The following WASHC2A variants were observed in gnomAD, a reference collection of about 807,000 sequenced individuals.
WASHC2A encodes the protein WASH complex subunit 2A, also known as WASH complex subunit FAM21A.
WASHC2A carries 82 observed loss-of-function variants against 140.3 expected under a neutral mutation model. The observed-to-expected ratio is 0.58, with a 90% CI of 0.49 to 0.70. WASHC2A has a LOEUF of 0.70. Ranked by LOEUF, WASHC2A falls within the 30% of genes least tolerant of loss-of-function variation. WASHC2A has a pLI of 0.00. For missense variants in WASHC2A, 985 were observed against 1,521.8 expected, an observed-to-expected ratio of 0.65 and a Z score of 5.87; for synonymous variants, 340 against 560.8, an observed-to-expected ratio of 0.61 and a Z score of 5.56.
At position 50,104,132 on chromosome 10, in the gene WASHC2A, G is replaced by A; in HGVS notation, c.1726G>A (p.Glu576Lys). ...LPTLVSLFDD[E>K]DEEDNLFGGT... Reference sequence around the variant, plus strand: ...CACGTTGGTTTCCCTGTTTGATGATGAAGATGAAGAGGTAAACATTGTTAT... The same window carrying A: ...CACGTTGGTTTCCCTGTTTGATGATAAAGATGAAGAGGTAAACATTGTTAT... The change falls in exon 18 of 31, where the codon GAA (glutamate) becomes AAA (lysine). Residue 576 changes from glutamate (E) to lysine (K), a missense_variant. Physicochemically the swap from Glu to Lys is moderately conservative, Grantham distance 56 (BLOSUM62 1). Coordinates refer to ENST00000282633, the MANE Select transcript of WASHC2A (RefSeq NM_001005751.3). The A allele has an allele frequency of 6.8e-7, 1 of 1,468,404 alleles. No individual in the cohort carries two copies. Among genetic ancestry groups the A allele is most frequent in the Non-Finnish European group, 9.4e-7 (1 of 1,060,726 alleles). 91.0% of individuals were successfully genotyped at this position (1,468,404 alleles called of 1,614,324 possible).
At position 50,090,851 on chromosome 10, in the gene WASHC2A, G is replaced by A. The variant is rs1839865975; in HGVS notation, c.808G>A (p.Glu270Lys). The A allele has an allele frequency of 2.5e-6, 4 of 1,611,550 alleles. No homozygotes were observed. Among genetic ancestry groups the A allele is most frequent in the South Asian group, 1.1e-5 (1 of 90,972 alleles). ...DLFADSEKEE[E>K]DIEDIEENTR... ...TTTCGCTGACTCTGAGAAGGAGGAG[G>A]AAGATATTGAGGACATTGAAGAAAA... Residue 270 changes from glutamate to lysine, a missense_variant, in exon 9 of 31, where the codon GAA (glutamate) becomes AAA (lysine). Coordinates refer to ENST00000282633, the MANE Select transcript of WASHC2A (RefSeq NM_001005751.3).
At chr10:50,094,777 C>T (rs1165830047) in intron 13 of WASHC2A, among the ~76,000 whole-genome samples, 3 of 150,822 alleles carry the variant, frequency 2.0e-5, no homozygotes, top group African/African-American at 7.3e-5. Flanking sequence ...TCTTTTTCAC[C>T]CGTTCATTCT....
intron 8 of WASHC2A, among the ~76,000 whole-genome samples, chr10:50,090,522 ATATATATATTTATATT>A (rs1839824125): frequency 3.7e-5 from 5 of 135,886 alleles, no homozygotes; most frequent in South Asian, 2.3e-4. Context: ...AAAAATATAT[ATATATATATTTATATT>A]TATATATATA....
intron 30 of WASHC2A, among the ~76,000 whole-genome samples, chr10:50,131,766 G>A (rs1287383405): frequency 5.3e-5 from 8 of 152,270 alleles, no homozygotes; most frequent in Admixed American, 4.6e-4. Flanking sequence ...TCACACACTG[G>A]CTCTGTGCCT....
intron 16 of WASHC2A, among the ~76,000 whole-genome samples, chr10:50,098,791 A>G (rs1260208657): frequency 1.4e-5 from 2 of 145,944 alleles, no homozygotes; most frequent in Non-Finnish European, 3.0e-5. Flanking sequence ...TTGCTTGATT[A>G]TTTTCCTATG....
In WASHC2A at chr10:50,126,189, C is replaced by T. The variant is rs1215623550; in HGVS notation, c.2811+10C>T. 0.13 allele frequency: 213,951 copies of T among 1,612,636 alleles called. 15,394 individuals carry two copies. The highest frequency in any genetic ancestry group is 0.17 in the Middle Eastern group (991 of 5,766). ...GCCGGAAACACCTCAGGTTAGAAAT[C>T]CTCTTTAAGGATTTTCAGCTCTTGT... is the stretch of plus-strand genomic sequence containing the variant. On this transcript the variant is annotated intron_variant, in intron 26 of 30. Transcript: ENST00000282633.
chr10:50,077,436 G>A (rs1554878392), intron 3 of WASHC2A, among the ~76,000 whole-genome samples: 2 of 152,164 alleles, frequency 1.3e-5, no homozygotes, highest in African/African-American at 4.8e-5. Flanking sequence ...GTTGGGGATA[G>A]GGAGGGAACT....
intron 3 of WASHC2A, among the ~76,000 whole-genome samples, chr10:50,072,704 G>C (rs1261981894): frequency 6.6e-6 from 1 of 151,992 alleles, no homozygotes; most frequent in Admixed American, 6.6e-5. Flanking sequence ...TAGCCAGGAT[G>C]GTCTCGATCT....
intron 4 of WASHC2A, among the ~76,000 whole-genome samples, chr10:50,080,264 A>G (rs1838777349): frequency 6.6e-6 from 1 of 152,146 alleles, no homozygotes; most frequent in Non-Finnish European, 1.5e-5. Context: ...TTGATGTAGA[A>G]CAGATTTATA....
At position 50,126,064 on chromosome 10, in the gene WASHC2A, A is replaced by G; in HGVS notation, c.2696A>G (p.Glu899Gly). The G allele has an allele frequency of 1.2e-6, 2 of 1,613,618 alleles. No individual in the cohort carries two copies. Among genetic ancestry groups the G allele is most frequent in the Non-Finnish European group, 1.7e-6 (2 of 1,179,816 alleles). Residue 899 changes from glutamate to glycine, a missense_variant, in exon 26 of 31, where the codon GAG becomes GGG. Transcript: ENST00000282633. ...ATTTTTTTTCTTTTGAAGGTACAAG[A>G]GAAAAAGAGAGTAGTGAAAAAAGAC... The part of the protein sequence containing the change: ...SSAKSQPLVQ[E>G]KKRVVKKDHS...
chr10:50,133,371 A>C lies in WASHC2A; in HGVS notation c.*426A>C. 1 of 477,884 alleles carries C rather than the reference A, an allele frequency of 2.1e-6. No individual in the cohort carries two copies. The highest frequency in any genetic ancestry group is 1.5e-5 in the South Asian group (1 of 64,560). 29.6% of individuals were successfully genotyped at this position (477,884 alleles called of 1,614,324 possible). A position where few individuals can be genotyped will look rare whatever the true frequency, so the allele number is the denominator to read the frequency against. ...GAAAGAAGGTGAGAGATTATACTTC[A>C]TGAGTCTTAGCAATATGGGAGCAGG... On this transcript the variant is annotated 3_prime_UTR_variant, in exon 31 of 31. Coordinates refer to ENST00000282633, the MANE Select transcript of WASHC2A (RefSeq NM_001005751.3).
chr10:50,111,574 A>G (rs1589253588), intron 20 of WASHC2A, among the ~76,000 whole-genome samples: 1 of 152,238 alleles, frequency 6.6e-6, no homozygotes, highest in Non-Finnish European at 1.5e-5. Flanking sequence ...AATGCTGAGC[A>G]CAAGAGCTGG....
chr10:50,091,669 C>T, intron 10 of WASHC2A, 151 bp downstream of exon 10: 2 of 989,568 alleles, frequency 2.0e-6, no homozygotes, highest in Admixed American at 5.6e-5. Flanking sequence ...AGCGCTTATT[C>T]CTTTTTTGGT....
At chr10:50,126,588 G>A (rs1236633117) in intron 26 of WASHC2A, 4 of 274,256 alleles carry the variant, frequency 1.5e-5, no homozygotes, top group Admixed American at 5.1e-5. Context: ...CTGTTGGGCC[G>A]TACTCTGCAG....
chr10:50,095,071 G>A (rs545405772), intron 13 of WASHC2A, 77 bp from the exon 14 acceptor site: 116 of 1,600,754 alleles, frequency 7.2e-5, no homozygotes, highest in East Asian at 2.5e-4. Context: ...GTTTTACATC[G>A]CACGTATTTC....
At chr10:50,102,117 T>A (rs372555353) in intron 17 of WASHC2A, among the ~76,000 whole-genome samples, 83 of 148,506 alleles carry the variant, frequency 5.6e-4, no homozygotes, top group Admixed American at 7.5e-4. Context: ...AGTGTAAATG[T>A]ACTCTCAGAC....
intron 3 of WASHC2A, among the ~76,000 whole-genome samples, chr10:50,076,313 G>A (rs868949140): frequency 5.3e-5 from 8 of 152,152 alleles, no homozygotes; most frequent in Non-Finnish European, 8.8e-5. Flanking sequence ...TTTTATTAGC[G>A]TTTGATTGGA....
chr10:50,111,231 T>C (rs1196230581), intron 20 of WASHC2A, among the ~76,000 whole-genome samples: 1 of 141,616 alleles, frequency 7.1e-6, no homozygotes, highest in African/African-American at 2.5e-5. Flanking sequence ...TGATTGGACA[T>C]GTAAATCCTA....
intron 30 of WASHC2A, chr10:50,131,285 T>C: frequency 1.3e-6 from 1 of 745,066 alleles, no homozygotes. Context: ...CATCAAAGAA[T>C]TTGAAGGCAC....
Sources: gnomAD v4.1 joint callset for allele counts (sites outside exome capture counted in the v4.1 genomes callset) on GRCh38, gnomAD v4.1.1 for gene constraint, MANE v1.5 for transcripts, NCBI Gene and HGNC (gene_info 2026-07-23, HGNC 2026-07-21) for gene names.